The following SH3RF2 variants were observed in gnomAD, a reference collection of about 807,000 sequenced individuals.
SH3RF2 encodes the protein SH3 domain containing ring finger 2.
SH3RF2 carries 43 observed loss-of-function variants against 59.0 expected under a neutral mutation model. The ratio of observed to expected loss-of-function variants is 0.73; its 90% CI spans 0.57 to 0.94. The LOEUF (loss-of-function observed/expected upper bound fraction) is 0.94, where lower values mean the gene tolerates loss of function less well. SH3RF2 is among the 40% of genes least tolerant of loss of function. The pLI, the probability that SH3RF2 is intolerant of heterozygous loss-of-function variation, is 0.00. For synonymous variants in SH3RF2, 391 were observed against 391.5 expected (o/e 1.00, Z 0.01); for missense variants, 930 against 940.1 (o/e 0.99, Z 0.14).
At position 146,063,273 on chromosome 5, in the gene SH3RF2, A is replaced by C. The variant is rs902368535; in HGVS notation, c.*572A>C. On this transcript the variant is annotated 3_prime_UTR_variant, in exon 10 of 10. Transcript: ENST00000359120. Reference sequence around the variant, plus strand: ...GATACTTTGAACATTCTGAGAACCCAATAAAACTAGAAGGAGCCAGCTTCC... The same window carrying C: ...GATACTTTGAACATTCTGAGAACCCCATAAAACTAGAAGGAGCCAGCTTCC... 2.0e-5 allele frequency: 3 copies of C among 152,592 alleles called. No individual in the cohort carries two copies. The highest frequency in any genetic ancestry group is 7.2e-5 in the African/African-American group (3 of 41,458). 9.5% of individuals were successfully genotyped at this position (152,592 alleles called of 1,614,324 possible). A position where few individuals can be genotyped will look rare whatever the true frequency, so the allele number is the denominator to read the frequency against.
At chr5:145,965,439 A>G (rs1758820992) in intron 2 of SH3RF2, among the ~76,000 whole-genome samples, 1 of 152,016 alleles carries the variant, frequency 6.6e-6, no homozygotes, top group Admixed American at 6.6e-5. Context: ...ATCTGTTCGG[A>G]GCCATCATCT....
At chr5:145,950,711 A>AT (rs2149945760) in intron 2 of SH3RF2, among the ~76,000 whole-genome samples, 1 of 152,266 alleles carries the variant, frequency 6.6e-6, no homozygotes, top group East Asian at 1.9e-4. Flanking sequence ...TGGAAGAGAG[A>AT]TTTTATCTCG....
chr5:146,022,051 G>A (rs962993963), intron 5 of SH3RF2, among the ~76,000 whole-genome samples: 1 of 152,014 alleles, frequency 6.6e-6, no homozygotes, highest in Non-Finnish European at 1.5e-5. Flanking sequence ...TTATTTTTTG[G>A]ACTTTTTATA....
chr5:146,037,918 C>CA (rs1350327019), intron 5 of SH3RF2, among the ~76,000 whole-genome samples: 4 of 152,192 alleles, frequency 2.6e-5, no homozygotes, highest in Non-Finnish European at 5.9e-5. Flanking sequence ...AACACAGATG[C>CA]AAAAATCCTC....
At chr5:145,948,004 T>G (rs111420566) in intron 2 of SH3RF2, among the ~76,000 whole-genome samples, 2 of 152,270 alleles carry the variant, frequency 1.3e-5, no homozygotes, top group African/African-American at 4.8e-5. Flanking sequence ...TAATAAATCT[T>G]AAAATAAAGG....
chr5:146,057,984 C>CTATCTATATATATATATATA (rs1554120847), intron 8 of SH3RF2, among the ~76,000 whole-genome samples: 2 of 145,742 alleles, frequency 1.4e-5, no homozygotes, highest in Admixed American at 6.8e-5. Context: ...ATCTATCTAT[C>CTATCTATATATATATATATA]TATATATATA....
At chr5:145,990,542 G>A (rs1580821704) in intron 2 of SH3RF2, among the ~76,000 whole-genome samples, 1 of 152,118 alleles carries the variant, frequency 6.6e-6, no homozygotes, top group South Asian at 2.1e-4. Context: ...GAGAACAGGT[G>A]GTTCCTCACA....
intron 3 of SH3RF2, among the ~76,000 whole-genome samples, chr5:146,002,949 T>A (rs1760486596): frequency 6.6e-6 from 1 of 152,132 alleles, no homozygotes; most frequent in African/African-American, 2.4e-5. Context: ...ACAAAACCAG[T>A]CCCTGGTGCC....
intron 9 of SH3RF2, among the ~76,000 whole-genome samples, chr5:146,077,462 G>C (rs1203092426): frequency 6.6e-6 from 1 of 152,284 alleles, no homozygotes; most frequent in Non-Finnish European, 1.5e-5. Context: ...AAGAGTTCCT[G>C]TAAACTCTCC....
At chr5:146,012,472 G>A (rs896161561) in intron 4 of SH3RF2, among the ~76,000 whole-genome samples, 10 of 152,202 alleles carry the variant, frequency 6.6e-5, no homozygotes, top group Admixed American at 1.3e-4. Context: ...GGTAGAATTC[G>A]GCTGTGAATC....
chr5:145,971,804 A>G (rs889918898), intron 2 of SH3RF2, among the ~76,000 whole-genome samples: 1 of 152,212 alleles, frequency 6.6e-6, no homozygotes, highest in African/African-American at 2.4e-5. Flanking sequence ...AATAACTAAG[A>G]TGAAGCCCCA....
At chr5:146,023,640 A>T (rs1310317859) in intron 5 of SH3RF2, among the ~76,000 whole-genome samples, 1 of 152,182 alleles carries the variant, frequency 6.6e-6, no homozygotes, top group Non-Finnish European at 1.5e-5. Context: ...TTAAGTGTAC[A>T]ATTCAATGGC....
chr5:146,031,116 G>A (rs1249961957), intron 5 of SH3RF2, among the ~76,000 whole-genome samples: 1 of 152,200 alleles, frequency 6.6e-6, no homozygotes, highest in African/African-American at 2.4e-5. Context: ...GCCCTGTAGG[G>A]AAGAAGGAGC....
chr5:146,032,001 A>C (rs1014231481), intron 5 of SH3RF2, among the ~76,000 whole-genome samples: 1 of 152,212 alleles, frequency 6.6e-6, no homozygotes, highest in Non-Finnish European at 1.5e-5. Flanking sequence ...TTCATAGCCA[A>C]GGTCCCCCAG....
At chr5:145,969,427 A>G (rs777536444) in intron 2 of SH3RF2, among the ~76,000 whole-genome samples, 2 of 152,192 alleles carry the variant, frequency 1.3e-5, no homozygotes, top group Non-Finnish European at 2.9e-5. Context: ...GATGTTCACT[A>G]TCAGCATATT....
At chr5:146,059,076 T>C (rs1257668694) in intron 8 of SH3RF2, among the ~76,000 whole-genome samples, 6 of 152,130 alleles carry the variant, frequency 3.9e-5, no homozygotes, top group Non-Finnish European at 5.9e-5. Flanking sequence ...CCCAATGATG[T>C]ACTGTTATTA....
At chr5:146,002,513 G>GAAGGAAGGAAGGAAGGAAGA (rs1561734897) in intron 3 of SH3RF2, among the ~76,000 whole-genome samples, 16 of 150,746 alleles carry the variant, frequency 1.1e-4, no homozygotes, top group African/African-American at 3.9e-4. Context: ...AGGAAGGAAG[G>GAAGGAAGGAAGGAAGGAAGA]AAGGAAGGAA....
intron 2 of SH3RF2, among the ~76,000 whole-genome samples, chr5:145,990,458 G>A (rs1759890361): frequency 6.6e-6 from 1 of 152,156 alleles, no homozygotes; most frequent in Admixed American, 6.5e-5. Flanking sequence ...TATTCTAACT[G>A]GCTAGCCTGG....
intron 2 of SH3RF2, chr5:145,997,552 T>C: frequency 6.2e-7 from 1 of 1,607,654 alleles, no homozygotes; most frequent in Non-Finnish European, 8.5e-7. Context: ...AAAATGGGAG[T>C]TATTACGGTT....
Sources: gnomAD v4.1 joint callset for allele counts (sites outside exome capture counted in the v4.1 genomes callset) on GRCh38, gnomAD v4.1.1 for gene constraint, MANE v1.5 for transcripts, NCBI Gene and HGNC (gene_info 2026-07-23, HGNC 2026-07-21) for gene names.